CAMKMT: variants seen among roughly 807,000 people sequenced by gnomAD.
CAMKMT encodes the protein CaM KMT.
A neutral mutation model predicts 48.0 loss-of-function variants in CAMKMT; 53 were observed. The ratio of observed to expected loss-of-function variants is 1.10; its 90% confidence interval spans 0.89 to 1.39. The LOEUF is 1.39. Among genes scored for constraint, CAMKMT ranks in the 40% most tolerant of loss-of-function variants. The probability of loss-of-function intolerance (pLI) is 0.00; values close to 1 mark genes in which losing one functional copy is unlikely to be tolerated. For missense variants in CAMKMT, 428 were observed against 402.7 expected (o/e 1.06, Z -0.54); for synonymous variants, 165 against 152.3 (o/e 1.08, Z -0.61).
chr2:44,582,113 T>C (rs911055008), intron 3 of CAMKMT, among the ~76,000 whole-genome samples: 1 of 152,272 alleles, frequency 6.6e-6, no homozygotes, highest in Non-Finnish European at 1.5e-5. Flanking sequence ...AGGATCATTC[T>C]ATCCATCGTA....
At chr2:44,647,020 C>T (rs552686994) in intron 3 of CAMKMT, among the ~76,000 whole-genome samples, 9 of 152,250 alleles carry the variant, frequency 5.9e-5, no homozygotes, top group South Asian at 4.1e-4. Flanking sequence ...ATTCCTTGGC[C>T]GGGCGCGGTG....
At chr2:44,620,262 T>G (rs1383461842) in intron 3 of CAMKMT, among the ~76,000 whole-genome samples, 1 of 152,204 alleles carries the variant, frequency 6.6e-6, no homozygotes, top group Non-Finnish European at 1.5e-5. Context: ...CTATTGTCCT[T>G]TGATACTTTT....
At chr2:44,533,751 A>C (rs1420199464) in intron 3 of CAMKMT, among the ~76,000 whole-genome samples, 1 of 152,236 alleles carries the variant, frequency 6.6e-6, no homozygotes, top group Non-Finnish European at 1.5e-5. Context: ...AATGAGGAAG[A>C]GGAAGGACTC....
chr2:44,364,809 C>G (rs1191504307), intron 1 of CAMKMT, among the ~76,000 whole-genome samples: 3 of 152,134 alleles, frequency 2.0e-5, no homozygotes, highest in Admixed American at 1.3e-4. Context: ...GTCCATATGT[C>G]TCTAATCTTT....
chr2:44,466,280 A>G lies in CAMKMT; in HGVS notation c.376+75975A>G, dbSNP rs989151465. 2.0e-5 allele frequency among the ~76,000 whole-genome samples: 3 copies of G among 152,340 alleles called. No homozygotes were observed. The East Asian group carries it at 5.8e-4, about 29-fold the overall frequency. ...CCAGTATAAATCATGTTAGGCCATC[A>G]AAAGCGGTCTTAACAAATTTAAGTA... On this transcript the variant is annotated intron_variant, in intron 3 of 10. Transcript: ENST00000378494.
intron 2 of CAMKMT, among the ~76,000 whole-genome samples, chr2:44,389,429 A>G (rs113732555): frequency 0.024 from 3,617 of 152,298 alleles, 164 homozygotes; most frequent in African/African-American, 0.083. Flanking sequence ...TTTAAATGAC[A>G]AAGTGAATGT....
intron 3 of CAMKMT, among the ~76,000 whole-genome samples, chr2:44,401,367 G>A (rs538044189): frequency 2.1e-4 from 32 of 152,104 alleles, no homozygotes; most frequent in African/African-American, 7.2e-4. Context: ...GACCAGCCTG[G>A]CCAACATGGT....
intron 3 of CAMKMT, among the ~76,000 whole-genome samples, chr2:44,406,502 T>TGA (rs1352242474): frequency 1.3e-5 from 2 of 152,050 alleles, no homozygotes; most frequent in Non-Finnish European, 2.9e-5. Context: ...TGTGTGTGTG[T>TGA]GTGTTTAGCA....
chr2:44,560,602 AC>A (rs1558703495), intron 3 of CAMKMT, among the ~76,000 whole-genome samples: 1 of 152,152 alleles, frequency 6.6e-6, no homozygotes, highest in Non-Finnish European at 1.5e-5. Flanking sequence ...AGACTGATTG[AC>A]CAGTCTAAAA....
At chr2:44,516,419 G>A (rs1450568763) in intron 3 of CAMKMT, among the ~76,000 whole-genome samples, 1 of 152,134 alleles carries the variant, frequency 6.6e-6, no homozygotes, top group South Asian at 2.1e-4. Context: ...GGACATGGAT[G>A]AAAGAGAGGT....
chr2:44,599,474 C>A (rs13390504), intron 3 of CAMKMT, among the ~76,000 whole-genome samples: 13 of 151,710 alleles, frequency 8.6e-5, no homozygotes, highest in Non-Finnish European at 1.6e-4. Flanking sequence ...ACATCAATAT[C>A]GTTTTCCTTT....
chr2:44,694,394 T>C (rs1339567062), intron 3 of CAMKMT, among the ~76,000 whole-genome samples: 1 of 152,016 alleles, frequency 6.6e-6, no homozygotes, highest in African/African-American at 2.4e-5. Context: ...AGTAACATGG[T>C]GAAACCCTAT....
chr2:44,696,127 G>C (rs1362854195), intron 3 of CAMKMT, among the ~76,000 whole-genome samples: 2 of 152,014 alleles, frequency 1.3e-5, no homozygotes, highest in East Asian at 3.9e-4. Flanking sequence ...ATTTTTAGTA[G>C]AAACGGGGTT....
At chr2:44,470,321 C>T (rs994271063) in intron 3 of CAMKMT, among the ~76,000 whole-genome samples, 1 of 152,166 alleles carries the variant, frequency 6.6e-6, no homozygotes, top group Non-Finnish European at 1.5e-5. Flanking sequence ...CCCCATCCTG[C>T]CCAATTTGCA....
In CAMKMT at chr2:44,743,700, A is replaced by G. The variant is rs1341783493; in HGVS notation, c.698+4A>G. 1 of 1,607,896 alleles carries G rather than the reference A, an allele frequency of 6.2e-7. No individual in the cohort carries two copies. Among genetic ancestry groups the G allele is most frequent in the African/African-American group, 1.3e-5 (1 of 74,912 alleles). On this transcript the variant is annotated splice_donor_region_variant and intron_variant, in intron 8 of 10. Transcript: ENST00000378494. ...ACATTGTTATGTGTGCTGACTGGTA[A>G]GTACATAAAAATCACAAAACTCCTG...
At chr2:44,636,116 A>G (rs997347433) in intron 3 of CAMKMT, among the ~76,000 whole-genome samples, 2 of 152,232 alleles carry the variant, frequency 1.3e-5, no homozygotes, top group African/African-American at 4.8e-5. Context: ...AAACTTTGGC[A>G]AATTACTTTT....
intron 3 of CAMKMT, among the ~76,000 whole-genome samples, chr2:44,525,141 T>TTAC (rs1671337681): frequency 1.3e-5 from 2 of 152,172 alleles, no homozygotes; most frequent in Non-Finnish European, 2.9e-5. Context: ...ATTTTATAGG[T>TTAC]TAGATGACAC....
At chr2:44,513,119 G>T (rs1670650870) in intron 3 of CAMKMT, among the ~76,000 whole-genome samples, 1 of 152,052 alleles carries the variant, frequency 6.6e-6, no homozygotes, top group Non-Finnish European at 1.5e-5. Context: ...GCTAGCTATT[G>T]ATCACAATTT....
chr2:44,768,492 C>A lies in CAMKMT; in HGVS notation c.894+1931C>A, dbSNP rs184228184. 4.3e-3 allele frequency among the ~76,000 whole-genome samples: 648 copies of A among 152,050 alleles called. 3 individuals are homozygous for A. The highest frequency in any genetic ancestry group is 0.015 in the African/African-American group (617 of 41,492). ...ATACTGTGTGCTGACCGGGCTGGCA[C>A]GTGCAGTTGTGCTCCTTTGCAGGAG... On this transcript the variant is annotated intron_variant, in intron 10 of 10. Coordinates refer to ENST00000378494, the MANE Select transcript of CAMKMT (RefSeq NM_024766.5).
Sources: gnomAD v4.1 joint callset for allele counts (sites outside exome capture counted in the v4.1 genomes callset) on GRCh38, gnomAD v4.1.1 for gene constraint, MANE v1.5 for transcripts, NCBI Gene and HGNC (gene_info 2026-07-23, HGNC 2026-07-21) for gene names.